ESPN: variants seen among roughly 807,000 people sequenced by gnomAD.
The protein encoded by ESPN is espin.
ESPN carries 68 observed loss-of-function variants against 77.7 expected under a neutral mutation model. That is an observed-to-expected ratio of 0.87 (90% CI 0.72 to 1.07). The LOEUF is 1.07. ESPN is among the 50% of genes least tolerant of loss of function. The pLI is 0.00. For missense variants in ESPN, 1,060 were observed against 1,239.0 expected, an observed-to-expected ratio of 0.86 and a Z score of 2.17; for synonymous variants, 449 against 567.1, an observed-to-expected ratio of 0.79 and a Z score of 2.96.
intron 10 of ESPN, chr1:6,455,201 C>A (rs1025252883): frequency 2.6e-6 from 1 of 388,726 alleles, no homozygotes; most frequent in Non-Finnish European, 4.6e-6. Context: ...TGCCTGAGCC[C>A]GAGCAGCTGG....
chr1:6,454,658 C>T (rs1056696504), intron 10 of ESPN: 3 of 398,764 alleles, frequency 7.5e-6, no homozygotes, highest in African/African-American at 6.2e-5. Context: ...TCTCGGCCGC[C>T]CTGTCGGCGC....
At chr1:6,457,447 C>A (rs887551378) in intron 12 of ESPN, 75 bp downstream of exon 12, 4 of 1,578,772 alleles carry the variant, frequency 2.5e-6, no homozygotes, top group Non-Finnish European at 3.5e-6. Context: ...TTCATCCAGG[C>A]CAATTTGAGT....
chr1:6,440,940 C>A lies in ESPN; in HGVS notation c.865C>A (p.Gln289Lys). The A allele has an allele frequency of 6.3e-7, 1 of 1,582,270 alleles. No homozygotes were observed. The highest frequency in any genetic ancestry group is 1.1e-5 in the South Asian group (1 of 87,196). ...AAENGELECC[Q>K]ILVVNGAELD... ...TCACTGCGTGCCCCCGCAGTGCTGCCAGATCCTGGTAGTGAACGGCGCGGA... is the reference window on the plus strand; with the variant it reads ...TCACTGCGTGCCCCCGCAGTGCTGCAAGATCCTGGTAGTGAACGGCGCGGA... The change falls in exon 5 of 13, where the codon CAG becomes AAG. Residue 289 changes from glutamine (Q) to lysine (K), a missense_variant. Transcript: ENST00000645284.
chr1:6,452,962 G>C (rs1368092863), intron 10 of ESPN, among the ~76,000 whole-genome samples: 1 of 151,884 alleles, frequency 6.6e-6, no homozygotes, highest in African/African-American at 2.4e-5. Flanking sequence ...GTGCGATCTC[G>C]ACTCACTGCA....
chr1:6,446,654 C>T (rs983696059), intron 7 of ESPN, among the ~76,000 whole-genome samples: 9 of 152,122 alleles, frequency 5.9e-5, no homozygotes, highest in African/African-American at 1.2e-4. Flanking sequence ...CTGAGCAATT[C>T]CGGGTATCCC....
At chr1:6,449,572 T>C (rs545622164) in intron 8 of ESPN, among the ~76,000 whole-genome samples, 180 of 152,276 alleles carry the variant, frequency 1.2e-3, no homozygotes, top group African/African-American at 4.1e-3. Flanking sequence ...TCTCCACGTC[T>C]TTCTCTTGTC....
intron 1 of ESPN, 136 bp downstream of exon 1, chr1:6,425,385 C>T (rs1642999410): frequency 2.6e-6 from 3 of 1,144,172 alleles, no homozygotes; most frequent in Non-Finnish European, 1.2e-6. Context: ...GGAGCTCCTT[C>T]CAGAGGCCCT....
intron 12 of ESPN, among the ~76,000 whole-genome samples, chr1:6,459,742 CCT>C (rs1245548287): frequency 1.3e-5 from 2 of 152,186 alleles, no homozygotes; most frequent in African/African-American, 4.8e-5. Context: ...TGACCCAGCA[CCT>C]CTGTTTCCAG....
At position 6,460,244 on chromosome 1, in the gene ESPN, GC is replaced by G; in HGVS notation, c.*101del. 10 of 1,475,196 alleles carry G rather than the reference GC, an allele frequency of 6.8e-6. No homozygotes were observed. Among genetic ancestry groups the G allele is most frequent in the Non-Finnish European group, 9.2e-6 (10 of 1,087,874 alleles). 91.4% of individuals were successfully genotyped at this position (1,475,196 alleles called of 1,614,324 possible). ...TGGTGGAAAGGCTGGGAGCCGCACA[GC>G]CCTCCCCTCCTGCGCTGGAAACCCT... On this transcript the variant is annotated 3_prime_UTR_variant, in exon 13 of 13. Coordinates refer to ENST00000645284, the MANE Select transcript of ESPN (RefSeq NM_031475.3).
At position 6,440,665 on chromosome 1, in the gene ESPN, G is replaced by T; in HGVS notation, c.715G>T (p.Asp239Tyr). The T allele has an allele frequency of 7.7e-7, 1 of 1,304,600 alleles. No homozygotes were observed. The highest frequency in any genetic ancestry group is 2.3e-5 in the Admixed American group (1 of 44,296). The allele number at this position is 1,304,600 out of a possible 1,614,324, so 80.8% of individuals were successfully genotyped here. Residue 239 changes from aspartate (D) to tyrosine (Y), a missense_variant, in exon 4 of 13, where the codon GAC (aspartate) becomes TAC (tyrosine). By Grantham distance (160) the Asp-to-Tyr change is radical. Coordinates refer to ENST00000645284, the MANE Select transcript of ESPN (RefSeq NM_031475.3). ...TDVSLSEQDK[D>Y]GATAMHFAAS... ...CGTGAGCCTGTCCGAGCAGGACAAA[G>T]ACGGCGCCACCGCCATGCACTTCGC...
chr1:6,432,419 G>A (rs1321712480), intron 2 of ESPN, among the ~76,000 whole-genome samples: 1 of 152,204 alleles, frequency 6.6e-6, no homozygotes, highest in Non-Finnish European at 1.5e-5. Context: ...TGAGGAGGTG[G>A]CTGCTGTCCT....
At chr1:6,457,594 C>T (rs968781690) in intron 12 of ESPN, among the ~76,000 whole-genome samples, 16 of 152,168 alleles carry the variant, frequency 1.1e-4, no homozygotes, top group African/African-American at 3.6e-4. Flanking sequence ...CTTTTCTACC[C>T]TTCAGTTAAC....
rs1009495468 is a variant in ESPN at position 6,451,198 on chromosome 1, G to C, written c.1916-405G>C. On this transcript the variant is annotated intron_variant, in intron 8 of 12. Transcript: ENST00000645284. The surrounding 1 kb of genome is among the most constrained non-coding windows in gnomAD (Gnocchi z 4.3). ...CTGAGGCTTTGCTGATGTAGGGAGAGGGCCAGAGGGAGGCTCCACCCCAGC... is the reference window on the plus strand; with the variant it reads ...CTGAGGCTTTGCTGATGTAGGGAGACGGCCAGAGGGAGGCTCCACCCCAGC... The C allele has an allele frequency of 1.7e-5, 6 of 350,546 alleles. No individual in the cohort carries two copies. Among genetic ancestry groups the C allele is most frequent in the Non-Finnish European group, 3.3e-5 (6 of 181,076 alleles). The allele number at this position is 350,546 out of a possible 1,614,324, so 21.7% of individuals were successfully genotyped here.
At chr1:6,433,775 G>A (rs1036351276) in intron 2 of ESPN, among the ~76,000 whole-genome samples, 1 of 152,130 alleles carries the variant, frequency 6.6e-6, no homozygotes, top group African/African-American at 2.4e-5. Flanking sequence ...AGGGATCAGA[G>A]ATACCCGCCT....
rs1300857706 is a variant in ESPN at position 6,441,052 on chromosome 1, C to A, written c.977C>A (p.Thr326Lys). 1 of 1,611,250 alleles carries A rather than the reference C, an allele frequency of 6.2e-7. No individual in the cohort carries two copies. The change falls in exon 5 of 13, where the codon ACG becomes AAG. Residue 326 changes from threonine (T) to lysine (K), a missense_variant. Physicochemically the swap from Thr to Lys is moderately conservative, Grantham distance 78. Around this residue, in one of 3 missense-constraint regions of ESPN, gnomAD observed 556 missense variants for 633.6 expected, o/e 0.88. Transcript: ENST00000645284. ...AGCCACTGCACCCGCTACCTGCGCA[C>A]GGTGGAGAACCTGGTACGATCCCTG... ...GHSHCTRYLR[T>K]VENLSVEHRV...
intron 12 of ESPN, among the ~76,000 whole-genome samples, chr1:6,459,402 A>T (rs115050730): frequency 0.026 from 4,014 of 152,190 alleles, 165 homozygotes; most frequent in African/African-American, 0.091. Context: ...CGAGACCCTG[A>T]CTCAAATAAT....
chr1:6,458,265 G>A (rs1164860588), intron 12 of ESPN, among the ~76,000 whole-genome samples: 1 of 152,010 alleles, frequency 6.6e-6, no homozygotes, highest in African/African-American at 2.4e-5. Context: ...CGATCCACCC[G>A]CCTCGGCCTC....
intron 2 of ESPN, among the ~76,000 whole-genome samples, chr1:6,431,864 C>G (rs1643268617): frequency 6.6e-6 from 1 of 152,140 alleles, no homozygotes; most frequent in African/African-American, 2.4e-5. Context: ...AGGCAATATT[C>G]TAAATGCCAG....
chr1:6,452,897 A>ATTTATTTTT (rs1553169573), intron 10 of ESPN, among the ~76,000 whole-genome samples: 1 of 138,724 alleles, frequency 7.2e-6, no homozygotes, highest in South Asian at 2.1e-4. Flanking sequence ...ATTTATTTTT[A>ATTTATTTTT]TTTTTTATTT....
Sources: gnomAD v4.1 joint callset for allele counts (sites outside exome capture counted in the v4.1 genomes callset) on GRCh38, gnomAD v4.1.1 for gene constraint, gnomAD v4.1.1 regional missense constraint, Gnocchi (gnomAD v3.1) non-coding constraint, MANE v1.5 for transcripts, NCBI Gene and HGNC (gene_info 2026-07-23, HGNC 2026-07-21) for gene names.